The following TSPAN18 variants were observed in gnomAD, a reference collection of about 807,000 sequenced individuals.
TSPAN18 encodes tetraspanin-18.
A neutral mutation model predicts 27.3 loss-of-function variants in TSPAN18; 14 were observed. The ratio of observed to expected loss-of-function variants is 0.51; its 90% CI spans 0.34 to 0.80. The LOEUF (loss-of-function observed/expected upper bound fraction) is 0.80. Among genes scored for constraint, TSPAN18 ranks in the 30% least tolerant of loss-of-function variants. The pLI is 0.01. For synonymous variants in TSPAN18, 143 were observed against 136.5 expected (o/e 1.05, Z -0.33); for missense variants, 268 against 323.9 (o/e 0.83, Z 1.32).
chr11:44,778,589 T>A (rs997428063), intron 2 of TSPAN18, among the ~76,000 whole-genome samples: 3 of 152,066 alleles, frequency 2.0e-5, no homozygotes, highest in African/African-American at 7.2e-5. Flanking sequence ...TCTCTACCTG[T>A]AAAATGGGGA....
At chr11:44,861,763 T>G (rs1857893096) in intron 3 of TSPAN18, among the ~76,000 whole-genome samples, 1 of 146,934 alleles carries the variant, frequency 6.8e-6, no homozygotes, top group Admixed American at 7.1e-5. Context: ...GCCTCATTTT[T>G]AGTGAATCTA....
intron 2 of TSPAN18, among the ~76,000 whole-genome samples, chr11:44,788,225 C>T (rs1051060349): frequency 1.3e-5 from 2 of 152,142 alleles, no homozygotes; most frequent in Admixed American, 6.5e-5. Context: ...GATTGGTCAC[C>T]GCAGAACCTC....
At chr11:44,842,020 G>A (rs1376188658) in intron 2 of TSPAN18, among the ~76,000 whole-genome samples, 2 of 152,190 alleles carry the variant, frequency 1.3e-5, no homozygotes, top group Non-Finnish European at 2.9e-5. Context: ...TTGTGCAGCG[G>A]GGAAACTGAG....
At chr11:44,907,048 TAAGC>T (rs1222282029) in intron 4 of TSPAN18, among the ~76,000 whole-genome samples, 1 of 152,246 alleles carries the variant, frequency 6.6e-6, no homozygotes, top group Admixed American at 6.5e-5. Context: ...TTTTGAAAAT[TAAGC>T]AAGATTAGTT....
At chr11:44,748,399 A>G (rs1351294522) in intron 1 of TSPAN18, among the ~76,000 whole-genome samples, 1 of 149,752 alleles carries the variant, frequency 6.7e-6, no homozygotes, top group East Asian at 1.9e-4. Context: ...CCCTTTCTCA[A>G]AAGAAAAAAA....
intron 9 of TSPAN18, 53 bp from the exon 10 acceptor site, chr11:44,929,078 C>T: frequency 6.2e-7 from 1 of 1,610,792 alleles, no homozygotes; most frequent in Non-Finnish European, 8.5e-7. Context: ...CCAGGCAGCC[C>T]ACAAAGGGCC....
intron 1 of TSPAN18, among the ~76,000 whole-genome samples, chr11:44,758,341 G>A (rs866787931): frequency 2.0e-4 from 30 of 152,300 alleles, no homozygotes; most frequent in African/African-American, 7.0e-4. Context: ...TTCTGTTGAT[G>A]TGGAGTATTA....
intron 1 of TSPAN18, among the ~76,000 whole-genome samples, chr11:44,747,092 G>C (rs1855095687): frequency 6.6e-6 from 1 of 152,278 alleles, no homozygotes; most frequent in South Asian, 2.1e-4. Context: ...CCCAGGCGAG[G>C]TGGTGGCTGC....
chr11:44,865,553 C>A (rs986799468), intron 3 of TSPAN18, among the ~76,000 whole-genome samples: 1 of 152,198 alleles, frequency 6.6e-6, no homozygotes, highest in African/African-American at 2.4e-5. Flanking sequence ...CTTAAAAATT[C>A]AAATGATCTG....
chr11:44,890,459 C>CA (rs1407158534), intron 3 of TSPAN18, among the ~76,000 whole-genome samples: 1 of 152,026 alleles, frequency 6.6e-6, no homozygotes, highest in Admixed American at 6.6e-5. Context: ...AGCAATGGCT[C>CA]ACGCCTGTAA....
At chr11:44,925,996 T>C (rs1280823924) in intron 8 of TSPAN18, among the ~76,000 whole-genome samples, 1 of 152,168 alleles carries the variant, frequency 6.6e-6, no homozygotes. Flanking sequence ...TGTCTCTGTC[T>C]CAGTTTATGT....
At chr11:44,763,906 T>C (rs921290173) in intron 1 of TSPAN18, among the ~76,000 whole-genome samples, 2 of 152,074 alleles carry the variant, frequency 1.3e-5, no homozygotes, top group Admixed American at 6.5e-5. Context: ...GTAATTTATA[T>C]ATAAAAAAAG....
intron 3 of TSPAN18, among the ~76,000 whole-genome samples, chr11:44,896,716 A>G (rs1590648700): frequency 6.6e-6 from 1 of 151,720 alleles, no homozygotes. Flanking sequence ...ATGCCGGTGG[A>G]GTTAGTCCTC....
chr11:44,801,874 TA>T (rs1242936144), intron 2 of TSPAN18, among the ~76,000 whole-genome samples: 1 of 151,690 alleles, frequency 6.6e-6, no homozygotes, highest in East Asian at 1.9e-4. Context: ...TCTACAAAAA[TA>T]AAAAACATCA....
intron 2 of TSPAN18, among the ~76,000 whole-genome samples, chr11:44,788,456 CT>C (rs11458938): frequency 3.0e-3 from 386 of 126,764 alleles, no homozygotes; most frequent in East Asian, 4.3e-3. Flanking sequence ...CTTTTTTTCT[CT>C]TTTTTTTTTT....
intron 3 of TSPAN18, chr11:44,903,705 G>A (rs748198811): frequency 1.1e-5 from 5 of 455,274 alleles, no homozygotes; most frequent in Non-Finnish European, 2.2e-5. Context: ...TCCAAAGGCA[G>A]ATGGCATGTC....
At chr11:44,803,826 G>A (rs1378344405) in intron 2 of TSPAN18, among the ~76,000 whole-genome samples, 1 of 152,172 alleles carries the variant, frequency 6.6e-6, no homozygotes, top group East Asian at 1.9e-4. Context: ...TAGAGGAAAA[G>A]CTAGTGAGAG....
chr11:44,930,517 A>C lies in TSPAN18; in HGVS notation c.*1339A>C, dbSNP rs1194953222. ...AGGCATCGAGGCCATTTCTGCTGCA[A>C]CAAGGTTTCCTGTCTCTTCACTGTC... On this transcript the variant is annotated 3_prime_UTR_variant, in exon 10 of 10. Coordinates refer to ENST00000520358, the MANE Select transcript of TSPAN18 (RefSeq NM_130783.5). 7 of 242,552 alleles carry C rather than the reference A, an allele frequency of 2.9e-5. No individual in the cohort carries two copies. In the Admixed American group the frequency reaches 3.0e-4, roughly 11 times the overall value. 15.0% of individuals were successfully genotyped at this position (242,552 alleles called of 1,614,324 possible). A position where few individuals can be genotyped will look rare whatever the true frequency, so the allele number is the denominator to read the frequency against.
intron 3 of TSPAN18, among the ~76,000 whole-genome samples, chr11:44,869,159 T>G (rs1337637268): frequency 1.3e-5 from 2 of 152,158 alleles, no homozygotes; most frequent in African/African-American, 4.8e-5. Flanking sequence ...CCTTGCAGAC[T>G]GGGCCGGGAG....
Sources: allele counts gnomAD v4.1 joint callset (sites outside exome capture counted in the v4.1 genomes callset), GRCh38; gene constraint gnomAD v4.1.1; transcripts MANE v1.5; gene names NCBI Gene and HGNC (gene_info 2026-07-23, HGNC 2026-07-21).